Variants in NEBL observed in about 807,000 individuals in gnomAD.
NEBL encodes nebulette.
Under a neutral mutation model 140.2 loss-of-function variants are expected in NEBL, and 122 were observed. The ratio of observed to expected loss-of-function variants is 0.87; its 90% confidence interval spans 0.75 to 1.01. NEBL has a LOEUF of 1.01. Among genes scored for constraint, NEBL ranks in the 50% least tolerant of loss-of-function variants. The pLI is 0.00. For missense variants in NEBL, 1,365 were observed against 1,231.3 expected (o/e 1.11, Z -1.62); for synonymous variants, 436 against 398.9 (o/e 1.09, Z -1.11).
intron 1 of NEBL, among the ~76,000 whole-genome samples, chr10:21,271,688 G>A (rs1390382731): frequency 6.6e-6 from 1 of 151,760 alleles, no homozygotes; most frequent in African/African-American, 2.4e-5. Flanking sequence ...ACCACGCCTG[G>A]CTGATTTTTG....
chr10:20,807,150 C>A (rs947386920), intron 26 of NEBL, among the ~76,000 whole-genome samples: 1 of 152,096 alleles, frequency 6.6e-6, no homozygotes, highest in Admixed American at 6.5e-5. Context: ...CATTGCGAGA[C>A]CCCCGTCTCT....
chr10:20,884,680 C>T (rs1390630127), intron 4 of NEBL, among the ~76,000 whole-genome samples: 2 of 152,194 alleles, frequency 1.3e-5, no homozygotes, highest in Admixed American at 6.5e-5. Context: ...ATAGCATAGA[C>T]ACCTCTGGAC....
rs576406273 is a variant in NEBL, at chr10:20,994,887, G to C, written c.249+25230C>G. ...TGGGCTGAGGAGGAGGAGGTAGAGG[G>C]GGGGGTTGGTCTTGCTGTCTCAGGA... is the stretch of plus-strand genomic sequence containing the variant. On this transcript the variant is annotated intron_variant, in intron 3 of 6. Transcript: ENST00000417816. 2.8e-3 allele frequency among the ~76,000 whole-genome samples: 423 copies of C among 152,242 alleles called. 2 individuals carry two copies. Among genetic ancestry groups the C allele is most frequent in the African/African-American group, 9.1e-3 (378 of 41,542 alleles).
Position 20,869,853 on chromosome 10 carries a change from C to T in NEBL, c.481-12G>A, listed in dbSNP as rs1166559655. ...TTCCTATAAGAAATCTGATCAGAGA[C>T]AGTTTTGGTTAAAAAATAAATAAAT... On this transcript the variant is annotated splice_polypyrimidine_tract_variant and intron_variant, in intron 5 of 27. Transcript: ENST00000377122. 2 of 1,539,520 alleles carry T rather than the reference C, an allele frequency of 1.3e-6. No homozygotes were observed. The highest frequency in any genetic ancestry group is 2.7e-5 in the African/African-American group (2 of 73,278).
chr10:21,180,143 A>G (rs1413149276), intron 3 of NEBL, among the ~76,000 whole-genome samples: 2 of 152,070 alleles, frequency 1.3e-5, no homozygotes, highest in African/African-American at 2.4e-5. Flanking sequence ...TCTCAGAAAA[A>G]AAAAAAGAAA....
upstream of NEBL, among the ~76,000 whole-genome samples, chr10:21,177,558 C>T (rs900745012): frequency 1.3e-5 from 2 of 150,262 alleles, no homozygotes; most frequent in Admixed American, 1.3e-4. Flanking sequence ...GAGATGGAGT[C>T]TCGCTCTGTC....
intron 4 of NEBL, among the ~76,000 whole-genome samples, chr10:20,960,623 T>A (rs1405003844): frequency 6.6e-6 from 1 of 152,082 alleles, no homozygotes; most frequent in Non-Finnish European, 1.5e-5. Flanking sequence ...CATAATTCTA[T>A]CTGCAAATTT....
Position 21,047,537 on chromosome 10 carries a change from TA to T in NEBL, c.165-27337del, listed in dbSNP as rs34064520. Among the ~76,000 whole-genome samples, 544 of 147,048 alleles carry T rather than the reference TA, an allele frequency of 3.7e-3. 17 individuals are homozygous for T. Among genetic ancestry groups the T allele is most frequent in the Admixed American group, 0.033 (488 of 14,760 alleles). ...AAACTGCCCCAAATGAAGCTTTTTT[TA>T]AAAAAAAAAAGATTTTTTTTAACAC... On this transcript the variant is annotated intron_variant, in intron 2 of 6. Transcript: ENST00000417816.
intron 5 of NEBL, among the ~76,000 whole-genome samples, chr10:20,880,028 A>G (rs774095991): frequency 2.0e-5 from 3 of 152,146 alleles, no homozygotes; most frequent in Non-Finnish European, 4.4e-5. Context: ...CATATTCCCC[A>G]TGGGTCTTAG....
intron 26 of NEBL, among the ~76,000 whole-genome samples, chr10:20,801,295 C>A (rs908388185): frequency 1.3e-5 from 2 of 151,978 alleles, no homozygotes; most frequent in Non-Finnish European, 1.5e-5. Context: ...TCAGTGCAAC[C>A]TCCACCTCCT....
chr10:21,100,859 A>C (rs1418400407), intron 2 of NEBL, among the ~76,000 whole-genome samples: 1 of 152,214 alleles, frequency 6.6e-6, no homozygotes. Context: ...TGACTAAACT[A>C]TTATCCATTA....
rs777988923 is a variant in NEBL at position 21,233,954 on chromosome 10, G to A, written n.348+13967C>T. Among the ~76,000 whole-genome samples, 12 of 136,160 alleles carry A rather than the reference G, an allele frequency of 8.8e-5. No homozygotes were observed. In the East Asian group the frequency reaches 1.1e-3, roughly 12 times the overall value. The allele number at this position is 136,160 out of a possible 152,430, so 89.3% of individuals were successfully genotyped here. A position where few individuals can be genotyped will look rare whatever the true frequency, so the allele number is the denominator to read the frequency against. On this transcript the variant is annotated intron_variant and non_coding_transcript_variant, in intron 3 of 8. Transcript: ENST00000675702. Reference sequence around the variant, plus strand: ...ATATATATATATATGCTGGATGTGCGTTAGTATAGATGCATCCTTCCTAAA... The same window carrying A: ...ATATATATATATATGCTGGATGTGCATTAGTATAGATGCATCCTTCCTAAA...
At chr10:21,163,696 A>G (rs1007532723) in intron 2 of NEBL, among the ~76,000 whole-genome samples, 2 of 152,130 alleles carry the variant, frequency 1.3e-5, no homozygotes, top group Admixed American at 1.3e-4. Context: ...TTTTTATCCA[A>G]ATGGCTTTTT....
intron 13 of NEBL, among the ~76,000 whole-genome samples, chr10:20,839,443 G>A (rs1464336142): frequency 1.3e-5 from 2 of 151,988 alleles, no homozygotes; most frequent in Non-Finnish European, 2.9e-5. Context: ...TCCTCCTTCT[G>A]GCAAAAAGCT....
chr10:20,975,575 T>C (rs886381773), intron 3 of NEBL, among the ~76,000 whole-genome samples: 2 of 152,196 alleles, frequency 1.3e-5, no homozygotes, highest in Admixed American at 1.3e-4. Context: ...CTACCCTGAA[T>C]GTAAATTTGT....
chr10:20,973,012 T>C (rs1836646421), intron 3 of NEBL, among the ~76,000 whole-genome samples: 1 of 152,030 alleles, frequency 6.6e-6, no homozygotes, highest in Admixed American at 6.6e-5. Context: ...AAAATAAATA[T>C]ATTAGAAGTG....
At position 20,903,068 on chromosome 10, in the gene NEBL, G is replaced by C. The variant is rs147000604; in HGVS notation, c.357+58604C>G. ...GAAATGCAAATTATAGTAGCCCCCAGACCTTATCCATAGAGGATGTGTTCC... is the reference window on the plus strand; with the variant it reads ...GAAATGCAAATTATAGTAGCCCCCACACCTTATCCATAGAGGATGTGTTCC... On this transcript the variant is annotated intron_variant, in intron 4 of 6. Transcript: ENST00000417816. Among the ~76,000 whole-genome samples, 735 of 152,184 alleles carry C rather than the reference G, an allele frequency of 4.8e-3. 8 individuals are homozygous for C. Among genetic ancestry groups the C allele is most frequent in the African/African-American group, 0.017 (703 of 41,512 alleles).
chr10:21,232,917 A>T (rs1842284771), intron 3 of NEBL, among the ~76,000 whole-genome samples: 1 of 152,246 alleles, frequency 6.6e-6, no homozygotes, highest in South Asian at 2.1e-4. Flanking sequence ...CTCAAACTAG[A>T]ACAGTAGCAT....
intron 4 of NEBL, among the ~76,000 whole-genome samples, chr10:20,912,925 CAGGCTT>C (rs1848391204): frequency 6.8e-6 from 1 of 147,394 alleles, no homozygotes; most frequent in Admixed American, 6.9e-5. Flanking sequence ...CTCTGTTACC[CAGGCTT>C]TAAGGTTTTT....
Sources: allele counts gnomAD v4.1 joint callset (sites outside exome capture counted in the v4.1 genomes callset), GRCh38; gene constraint gnomAD v4.1.1; transcripts MANE v1.5; gene names NCBI Gene and HGNC (gene_info 2026-07-23, HGNC 2026-07-21).